The following NPAT variants were observed in gnomAD, a reference collection of about 807,000 sequenced individuals.
NPAT encodes the protein nuclear protein, coactivator of histone transcription.
Under a neutral mutation model 130.7 loss-of-function variants are expected in NPAT, and 52 were observed. That is an observed-to-expected ratio of 0.40 (90% CI 0.32 to 0.50). The LOEUF is 0.50. Ranked by LOEUF, NPAT falls within the 20% of genes least tolerant of loss-of-function variation. The probability of loss-of-function intolerance (pLI) is 0.68; values close to 1 mark genes in which losing one functional copy is unlikely to be tolerated. For synonymous variants in NPAT, 580 were observed against 584.8 expected (o/e 0.99, Z 0.12); for missense variants, 1,687 against 1,662.6 (o/e 1.01, Z -0.26).
intron 2 of NPAT, among the ~76,000 whole-genome samples, chr11:108,194,943 C>T (rs1277702234): frequency 6.6e-6 from 1 of 152,106 alleles, no homozygotes; most frequent in Non-Finnish European, 1.5e-5. Flanking sequence ...CCTGTCTCAG[C>T]CTCCCGAGTA....
chr11:108,204,854 G>A (rs1372875337), intron 1 of NPAT, among the ~76,000 whole-genome samples: 1 of 152,230 alleles, frequency 6.6e-6, no homozygotes, highest in African/African-American at 2.4e-5. Flanking sequence ...AGTGAACAGA[G>A]TCTCAGAGAC....
intron 1 of NPAT, among the ~76,000 whole-genome samples, chr11:108,209,157 G>A (rs1212658524): frequency 6.6e-6 from 1 of 152,168 alleles, no homozygotes; most frequent in Non-Finnish European, 1.5e-5. Flanking sequence ...GCAGGCGCCT[G>A]TAATCCCAGA....
intron 1 of NPAT, among the ~76,000 whole-genome samples, chr11:108,206,216 T>G (rs1302015537): frequency 6.6e-6 from 1 of 152,230 alleles, no homozygotes; most frequent in Non-Finnish European, 1.5e-5. Context: ...TATGCTGTTG[T>G]CACAGGATCC....
At chr11:108,192,802 A>G (rs2078183160) in intron 3 of NPAT, among the ~76,000 whole-genome samples, 1 of 151,938 alleles carries the variant, frequency 6.6e-6, no homozygotes, top group Non-Finnish European at 1.5e-5. Context: ...AAAAACACAA[A>G]TATTAGCTGG....
chr11:108,194,015 G>T lies in NPAT; in HGVS notation c.159C>A (p.Ser53=). 6.7e-7 allele frequency: 1 copy of T among 1,483,048 alleles called. No homozygotes were observed. Among genetic ancestry groups the T allele is most frequent in the Non-Finnish European group, 9.4e-7 (1 of 1,063,428 alleles). 91.9% of individuals were successfully genotyped at this position (1,483,048 alleles called of 1,614,324 possible). ...TTGTTGTCAAGTTTTTTCCAAATAA[G>T]GACTGAAAAGAAAAAGATCAAATAT... ...DEGFIPACLL[S]LFGKNLTTIL... is the part of the protein sequence containing the mutation. The change falls in exon 3 of 18, where the codon TCC becomes TCA. Residue 53 remains serine (S), a splice_region_variant and synonymous_variant. Transcript: ENST00000278612.
In NPAT at chr11:108,158,330, A is replaced by C. The variant is rs2077814273; in HGVS notation, c.*612T>G. ...AGAACAGAGTGATCAGAGTAGGTAA[A>C]GTGTGAAATTCCAGAAATATAATAC... On this transcript the variant is annotated 3_prime_UTR_variant, in exon 18 of 18. Coordinates refer to ENST00000278612, the MANE Select transcript of NPAT (RefSeq NM_002519.3). 1 of 152,492 alleles carries C rather than the reference A, an allele frequency of 6.6e-6. No individual in the cohort carries two copies. 9.4% of individuals were successfully genotyped at this position (152,492 alleles called of 1,614,324 possible). A position where few individuals can be genotyped will look rare whatever the true frequency, so the allele number is the denominator to read the frequency against.
At chr11:108,170,208 A>C in intron 13 of NPAT, 165 bp from the exon 14 acceptor site, 1,020 of 507,382 alleles carry the variant, frequency 2.0e-3, no homozygotes, top group East Asian at 3.2e-3. Flanking sequence ...AAACAAAAAA[A>C]ACGAAACTGA....
chr11:108,197,088 C>A (rs2078229494), intron 2 of NPAT, among the ~76,000 whole-genome samples: 1 of 152,138 alleles, frequency 6.6e-6, no homozygotes, highest in Non-Finnish European at 1.5e-5. Flanking sequence ...TTGAAACTAA[C>A]TCTCGGAGTC....
chr11:108,193,385 T>C (rs2078189482), intron 3 of NPAT, among the ~76,000 whole-genome samples: 2 of 152,208 alleles, frequency 1.3e-5, no homozygotes, highest in Non-Finnish European at 2.9e-5. Flanking sequence ...TTTGGGTTAT[T>C]TTTGCTAACA....
rs377435252 is a variant in NPAT at position 108,161,447 on chromosome 11, T to C, written c.3639A>G (p.Thr1213=). 757 of 1,614,132 alleles carry C rather than the reference T, an allele frequency of 4.7e-4. No homozygotes were observed. Among genetic ancestry groups the C allele is most frequent in the Non-Finnish European group, 6.0e-4 (708 of 1,180,048 alleles). ...AAAGTACATTTTTATTGTTTGAAGA[T>C]GTGCCTTGTTTTTTGGTCATTTCTT... is the stretch of plus-strand genomic sequence containing the variant. ...SLQEMTKKQG[T]SSNNKNVLSV... Residue 1213 remains threonine (T), a synonymous_variant, in exon 17 of 18, where the codon ACA becomes ACG. Transcript: ENST00000278612.
chr11:108,212,061 TAG>T (rs1485378150), intron 1 of NPAT, among the ~76,000 whole-genome samples: 1 of 150,672 alleles, frequency 6.6e-6, no homozygotes, highest in East Asian at 1.9e-4. Context: ...CTCAACCTCA[TAG>T]AGTTATCTAT....
At chr11:108,159,513 A>G (rs2077825363) in intron 17 of NPAT, among the ~76,000 whole-genome samples, 1 of 152,232 alleles carries the variant, frequency 6.6e-6, no homozygotes, top group African/African-American at 2.4e-5. Flanking sequence ...AGGACCAATA[A>G]GCAGTAGATG....
intron 7 of NPAT, 23 bp downstream of exon 7, chr11:108,188,073 CTT>C: frequency 6.8e-7 from 1 of 1,460,630 alleles, no homozygotes; most frequent in South Asian, 1.1e-5. Flanking sequence ...ATACGGGTAA[CTT>C]GTCTCTTTTA....
At chr11:108,203,697 ACC>A (rs917940320) in intron 1 of NPAT, among the ~76,000 whole-genome samples, 3 of 151,926 alleles carry the variant, frequency 2.0e-5, no homozygotes, top group African/African-American at 7.3e-5. Context: ...TTAATCCTGA[ACC>A]CCCAAGGGAT....
chr11:108,174,810 G>A (rs1035926001), intron 12 of NPAT, among the ~76,000 whole-genome samples: 3 of 151,890 alleles, frequency 2.0e-5, no homozygotes. Context: ...GTAGAGGCGC[G>A]GTTTCACCGT....
At chr11:108,207,238 G>A (rs76679008) in intron 1 of NPAT, among the ~76,000 whole-genome samples, 2,066 of 152,324 alleles carry the variant, frequency 0.014, 55 homozygotes, top group African/African-American at 0.046. Flanking sequence ...ATGGGAGTAA[G>A]TATGTGCTGA....
chr11:108,180,418 C>T (rs1030849315), intron 10 of NPAT, among the ~76,000 whole-genome samples: 2 of 152,162 alleles, frequency 1.3e-5, no homozygotes, highest in African/African-American at 4.8e-5. Context: ...CTTAAACAGA[C>T]ATTTATCCAA....
intron 13 of NPAT, among the ~76,000 whole-genome samples, chr11:108,170,523 G>A (rs182426131): frequency 2.1e-5 from 3 of 145,280 alleles, no homozygotes; most frequent in South Asian, 4.5e-4. Flanking sequence ...TGATCAAAAG[G>A]GGGTAAGGTA....
At chr11:108,197,203 G>T in intron 2 of NPAT, 99 bp downstream of exon 2, 1 of 882,114 alleles carries the variant, frequency 1.1e-6, no homozygotes, top group Non-Finnish European at 1.9e-6. Context: ...CCAAATTTCT[G>T]CCAATTTCAA....
Sources: gnomAD v4.1 joint callset for allele counts (sites outside exome capture counted in the v4.1 genomes callset) on GRCh38, gnomAD v4.1.1 for gene constraint, MANE v1.5 for transcripts, NCBI Gene and HGNC (gene_info 2026-07-23, HGNC 2026-07-21) for gene names.